The following PLXDC2 variants were observed in gnomAD, a reference collection of about 807,000 sequenced individuals.
The protein encoded by PLXDC2 is plexin domain containing 2.
A neutral mutation model predicts 68.9 loss-of-function variants in PLXDC2; 40 were observed. The observed-to-expected ratio is 0.58, with a 90% CI of 0.45 to 0.76. The LOEUF (loss-of-function observed/expected upper bound fraction) is 0.76. PLXDC2 is among the 30% of genes least tolerant of loss of function. The probability of loss-of-function intolerance (pLI) is 0.00; values close to 1 mark genes in which losing one functional copy is unlikely to be tolerated. For synonymous variants in PLXDC2, 243 were observed against 234.2 expected (o/e 1.04, Z -0.34); for missense variants, 644 against 661.9 (o/e 0.97, Z 0.30).
intron 9 of PLXDC2, among the ~76,000 whole-genome samples, chr10:20,200,055 T>C (rs991246002): frequency 2.0e-5 from 3 of 151,868 alleles, no homozygotes; most frequent in African/African-American, 7.2e-5. Flanking sequence ...GAGGCTTTTC[T>C]GAGCAGAAAA....
chr10:20,128,980 C>CT (rs925200487), intron 4 of PLXDC2, among the ~76,000 whole-genome samples: 18 of 152,298 alleles, frequency 1.2e-4, no homozygotes, highest in African/African-American at 4.3e-4. Context: ...ACTGATTTCA[C>CT]TTCCTCCGGA....
intron 1 of PLXDC2, among the ~76,000 whole-genome samples, chr10:19,929,850 C>A (rs1000291842): frequency 6.6e-6 from 1 of 152,160 alleles, no homozygotes; most frequent in African/African-American, 2.4e-5. Flanking sequence ...TCACACTGTC[C>A]ATATTCAGTT....
intron 1 of PLXDC2, among the ~76,000 whole-genome samples, chr10:19,991,347 CTTTTTTT>C (rs35216913): frequency 7.4e-6 from 1 of 135,428 alleles, no homozygotes; most frequent in South Asian, 2.3e-4. Flanking sequence ...ATCATTTTCC[CTTTTTTT>C]TTTTTTTTTG....
intron 2 of PLXDC2, among the ~76,000 whole-genome samples, chr10:20,028,795 T>C (rs1835450418): frequency 6.6e-6 from 1 of 152,204 alleles, no homozygotes; most frequent in Non-Finnish European, 1.5e-5. Context: ...TCCAAACCAA[T>C]GTCTGATTAT....
chr10:19,886,048 T>A (rs1564619336), intron 1 of PLXDC2, among the ~76,000 whole-genome samples: 1 of 152,160 alleles, frequency 6.6e-6, no homozygotes, highest in Admixed American at 6.5e-5. Flanking sequence ...GGTTTGTAGC[T>A]CTCCTTGAAG....
intron 4 of PLXDC2, among the ~76,000 whole-genome samples, chr10:20,107,025 A>G (rs1356507170): frequency 6.7e-6 from 1 of 148,862 alleles, no homozygotes; most frequent in Non-Finnish European, 1.5e-5. Flanking sequence ...ACATATATAT[A>G]CACCATATAC....
chr10:20,046,843 AT>A, intron 2 of PLXDC2, 25 bp from the exon 3 acceptor site: 1 of 1,567,158 alleles, frequency 6.4e-7, no homozygotes, highest in Non-Finnish European at 8.6e-7. Context: ...TCGGTTCTTG[AT>A]ATACATTATT....
chr10:20,089,384 C>T (rs1408494442), intron 4 of PLXDC2, among the ~76,000 whole-genome samples: 1 of 152,074 alleles, frequency 6.6e-6, no homozygotes, highest in African/African-American at 2.4e-5. Context: ...GAATTGCAGG[C>T]AGCAGAAGTA....
At chr10:20,164,064 TA>T (rs1310791692) in intron 6 of PLXDC2, among the ~76,000 whole-genome samples, 1 of 152,180 alleles carries the variant, frequency 6.6e-6, no homozygotes, top group Non-Finnish European at 1.5e-5. Context: ...TAAAACTGTA[TA>T]AAAACAAATA....
chr10:20,235,860 G>A (rs1835425544), intron 12 of PLXDC2, among the ~76,000 whole-genome samples: 1 of 152,176 alleles, frequency 6.6e-6, no homozygotes, highest in Non-Finnish European at 1.5e-5. Context: ...ATGGCACGGA[G>A]AGTCACTCTG....
chr10:20,257,710 T>A (rs1378653994), intron 13 of PLXDC2, among the ~76,000 whole-genome samples: 2 of 152,180 alleles, frequency 1.3e-5, no homozygotes, highest in Non-Finnish European at 2.9e-5. Flanking sequence ...TCGTTTTCAA[T>A]AAGAAGTTAC....
At chr10:19,968,105 G>A (rs1834294463) in intron 1 of PLXDC2, among the ~76,000 whole-genome samples, 1 of 152,202 alleles carries the variant, frequency 6.6e-6, no homozygotes. Context: ...CAATCAGTAA[G>A]TTGAAGTTAC....
intron 7 of PLXDC2, among the ~76,000 whole-genome samples, chr10:20,171,843 C>T (rs2358862): frequency 0.88 from 133,117 of 151,744 alleles, 58,613 homozygotes; most frequent in Non-Finnish European, 0.91. Context: ...GGAGCAGTGG[C>T]TCGTGCCTGT....
chr10:19,879,584 C>T (rs894522773), intron 1 of PLXDC2, among the ~76,000 whole-genome samples: 2 of 152,174 alleles, frequency 1.3e-5, no homozygotes, highest in African/African-American at 4.8e-5. Context: ...AAAAGAAGGC[C>T]TTGCATTGCA....
At chr10:20,251,161 C>T (rs1487398641) in intron 13 of PLXDC2, among the ~76,000 whole-genome samples, 2 of 152,020 alleles carry the variant, frequency 1.3e-5, no homozygotes, top group Non-Finnish European at 2.9e-5. Context: ...TTTTTATTAA[C>T]TTATCTTCTA....
At chr10:19,974,846 T>C (rs995939701) in intron 1 of PLXDC2, among the ~76,000 whole-genome samples, 2 of 152,162 alleles carry the variant, frequency 1.3e-5, no homozygotes, top group South Asian at 2.1e-4. Context: ...AGTTTAAATA[T>C]TGAAACAATG....
intron 4 of PLXDC2, among the ~76,000 whole-genome samples, chr10:20,140,520 G>C (rs181739679): frequency 6.6e-6 from 1 of 151,784 alleles, no homozygotes; most frequent in Non-Finnish European, 1.5e-5. Context: ...GTATCTGTGA[G>C]TACCTTTAAA....
intron 9 of PLXDC2, among the ~76,000 whole-genome samples, chr10:20,195,862 G>A (rs1053144830): frequency 6.6e-6 from 1 of 152,022 alleles, no homozygotes; most frequent in Non-Finnish European, 1.5e-5. Flanking sequence ...GAACAGCACT[G>A]AACAAAATCT....
intron 1 of PLXDC2, among the ~76,000 whole-genome samples, chr10:19,934,528 T>A (rs1478636670): frequency 6.6e-6 from 1 of 152,226 alleles, no homozygotes; most frequent in Non-Finnish European, 1.5e-5. Flanking sequence ...ATTACATTGG[T>A]CACCTTGATG....
Sources: gnomAD v4.1 joint callset for allele counts (sites outside exome capture counted in the v4.1 genomes callset) on GRCh38, gnomAD v4.1.1 for gene constraint, MANE v1.5 for transcripts, NCBI Gene and HGNC (gene_info 2026-07-23, HGNC 2026-07-21) for gene names.